CLPSL1: variants seen among roughly 807,000 people sequenced by gnomAD.
The protein encoded by CLPSL1 is colipase like 1.
CLPSL1 carries 13 observed loss-of-function variants against 9.3 expected under a neutral mutation model. The observed-to-expected ratio is 1.40, with a 90% CI of 0.91 to 2.22. The LOEUF (loss-of-function observed/expected upper bound fraction) is 2.22. Among genes scored for constraint, CLPSL1 ranks in the 30% most tolerant of loss-of-function variants. The pLI is 0.00. For missense variants in CLPSL1, 164 were observed against 146.6 expected (o/e 1.12, Z -0.61); for synonymous variants, 58 against 56.9 (o/e 1.02, Z -0.08).
Position 35,786,931 on chromosome 6 carries a change from C to T in CLPSL1, c.100-67C>T, listed in dbSNP as rs1768085880. On this transcript the variant is annotated intron_variant, in intron 1 of 2. Transcript: ENST00000373861. ...GGGAGGAGCCCCGTAGGGAGAAAGCCCCAGGCGGGGCGGCGAGGGCGGAAG... is the reference window on the plus strand; with the variant it reads ...GGGAGGAGCCCCGTAGGGAGAAAGCTCCAGGCGGGGCGGCGAGGGCGGAAG... 8 of 1,530,764 alleles carry T rather than the reference C, an allele frequency of 5.2e-6. No individual in the cohort carries two copies. In the South Asian group the frequency reaches 9.6e-5, roughly 18 times the overall value. 94.8% of individuals were successfully genotyped at this position (1,530,764 alleles called of 1,614,324 possible).
downstream of CLPSL1, among the ~76,000 whole-genome samples, chr6:35,792,919 A>G (rs1341451378): frequency 6.6e-6 from 1 of 152,268 alleles, no homozygotes; most frequent in Non-Finnish European, 1.5e-5. Flanking sequence ...TATGTGGCAG[A>G]CACCATTACC....
At chr6:35,791,295 T>C (rs575139723), downstream of CLPSL1, among the ~76,000 whole-genome samples, 1 of 150,740 alleles carries the variant, frequency 6.6e-6, no homozygotes, top group African/African-American at 2.4e-5. Flanking sequence ...ATTGTTTAAG[T>C]TGAAAATATC....
chr6:35,790,225 G>A (rs1768160336), downstream of CLPSL1, among the ~76,000 whole-genome samples: 1 of 152,242 alleles, frequency 6.6e-6, no homozygotes, highest in Non-Finnish European at 1.5e-5. Flanking sequence ...GAGCCACTGT[G>A]CCCGGCTGAA....
downstream of CLPSL1, among the ~76,000 whole-genome samples, chr6:35,792,155 G>A (rs1768233139): frequency 6.6e-6 from 1 of 152,284 alleles, no homozygotes; most frequent in East Asian, 1.9e-4. Context: ...CACGCCTATA[G>A]TTCTAGCACT....
downstream of CLPSL1, among the ~76,000 whole-genome samples, chr6:35,788,921 A>G (rs1768141325): frequency 2.6e-5 from 4 of 152,278 alleles, no homozygotes. Context: ...CTAAATTTCC[A>G]CATTCAGCCA....
At chr6:35,782,514 A>G (rs1236121686) in intron 1 of CLPSL1, among the ~76,000 whole-genome samples, 1 of 152,212 alleles carries the variant, frequency 6.6e-6, no homozygotes, top group Non-Finnish European at 1.5e-5. Flanking sequence ...TGTTGTGAAC[A>G]AAGTACAACC....
At chr6:35,790,748 G>A (rs1166240196), downstream of CLPSL1, among the ~76,000 whole-genome samples, 1 of 152,378 alleles carries the variant, frequency 6.6e-6, no homozygotes, top group South Asian at 2.1e-4. Context: ...CTGGTTTTGA[G>A]AAACTCCTGG....
intron 2 of CLPSL1, 90 bp downstream of exon 2, chr6:35,787,210 A>T: frequency 6.9e-7 from 1 of 1,449,104 alleles, no homozygotes; most frequent in Non-Finnish European, 9.5e-7. Context: ...AAAGAAGGGT[A>T]GGTGGGCGGA....
chr6:35,784,300 G>T (rs1038554471), intron 1 of CLPSL1, among the ~76,000 whole-genome samples: 4 of 152,148 alleles, frequency 2.6e-5, no homozygotes, highest in Non-Finnish European at 5.9e-5. Context: ...GGAGAGCAAG[G>T]TTTTATCATG....
chr6:35,786,944 G>A (rs1768086546), intron 1 of CLPSL1, 54 bp from the exon 2 acceptor site: 2 of 1,542,178 alleles, frequency 1.3e-6, no homozygotes, highest in Admixed American at 2.0e-5. Context: ...AGGCGGGGCG[G>A]CGAGGGCGGA....
intron 1 of CLPSL1, 100 bp downstream of exon 1, chr6:35,781,309 C>A: frequency 1.4e-6 from 2 of 1,471,508 alleles, no homozygotes; most frequent in Non-Finnish European, 1.8e-6. Context: ...TGGGAGAAGG[C>A]CAGAAGTGGG....
intron 1 of CLPSL1, chr6:35,793,367 G>C (rs1768258526): frequency 2.0e-5 from 9 of 442,798 alleles, no homozygotes; most frequent in Non-Finnish European, 3.6e-5. Flanking sequence ...AGAAGTTGCA[G>C]GGAGCCGAGA....
chr6:35,790,158 A>G (rs1266698221), downstream of CLPSL1, among the ~76,000 whole-genome samples: 1 of 152,076 alleles, frequency 6.6e-6, no homozygotes, highest in African/African-American at 2.4e-5. Context: ...CTGGTCTCAA[A>G]CTCCTGGCCT....
downstream of CLPSL1, among the ~76,000 whole-genome samples, chr6:35,793,867 C>T (rs1475135613): frequency 6.6e-6 from 1 of 152,280 alleles, no homozygotes; most frequent in Non-Finnish European, 1.5e-5. Flanking sequence ...GGTCAGTGAG[C>T]TTCCACCTGC....
chr6:35,789,744 A>G (rs923307685), downstream of CLPSL1, among the ~76,000 whole-genome samples: 1 of 152,198 alleles, frequency 6.6e-6, no homozygotes, highest in Non-Finnish European at 1.5e-5. Flanking sequence ...AAATACAAAA[A>G]TTAGCTGGGT....
chr6:35,785,946 C>CAAAAA (rs35079833), intron 1 of CLPSL1, among the ~76,000 whole-genome samples: 5 of 110,748 alleles, frequency 4.5e-5, no homozygotes, highest in South Asian at 3.1e-4. Context: ...GAGACTTTGT[C>CAAAAA]AAAAAAAAAA....
chr6:35,791,604 T>G, downstream of CLPSL1, among the ~76,000 whole-genome samples: 1 of 140,392 alleles, frequency 7.1e-6, no homozygotes. Context: ...TTAGACTCTG[T>G]CTCCAAAAAA....
chr6:35,788,757 G>C (rs527816916), downstream of CLPSL1, among the ~76,000 whole-genome samples: 20 of 152,388 alleles, frequency 1.3e-4, no homozygotes, highest in Non-Finnish European at 2.6e-4. Context: ...CAGCGACTGT[G>C]GTGTGGGGTT....
intron 2 of CLPSL1, 93 bp from the exon 3 acceptor site, chr6:35,787,774 A>G (rs768294430): frequency 1.9e-5 from 23 of 1,219,238 alleles, no homozygotes; most frequent in Non-Finnish European, 2.6e-5. Context: ...GGCTGTGGGC[A>G]AGCACATGGG....
Sources: gnomAD v4.1 joint callset for allele counts (sites outside exome capture counted in the v4.1 genomes callset) on GRCh38, gnomAD v4.1.1 for gene constraint, MANE v1.5 for transcripts, NCBI Gene and HGNC (gene_info 2026-07-23, HGNC 2026-07-21) for gene names.